The following TTC12 variants were observed in gnomAD, a reference collection of about 807,000 sequenced individuals.
TTC12 encodes tetratricopeptide repeat protein 12.
A neutral mutation model predicts 90.1 loss-of-function variants in TTC12; 70 were observed. The observed-to-expected ratio is 0.78, with a 90% CI of 0.64 to 0.95. The LOEUF (loss-of-function observed/expected upper bound fraction) is 0.95, where lower values mean the gene tolerates loss of function less well. Among genes scored for constraint, TTC12 ranks in the 40% least tolerant of loss-of-function variants. TTC12 has a pLI of 0.00. For synonymous variants in TTC12, 296 were observed against 311.5 expected (o/e 0.95, Z 0.53); for missense variants, 819 against 846.1 (o/e 0.97, Z 0.40).
chr11:113,364,169 G>C (rs574870862), intron 20 of TTC12, among the ~76,000 whole-genome samples: 4 of 152,358 alleles, frequency 2.6e-5, no homozygotes, highest in South Asian at 2.1e-4. Flanking sequence ...AAAGATAACA[G>C]GGTCAAAGCT....
chr11:113,337,918 G>A (rs1307506043), intron 8 of TTC12, among the ~76,000 whole-genome samples: 2 of 152,170 alleles, frequency 1.3e-5, no homozygotes, highest in Non-Finnish European at 2.9e-5. Context: ...TAGGGTTGAA[G>A]AGAAGTTGGA....
chr11:113,364,203 G>A (rs1950087209), intron 20 of TTC12, among the ~76,000 whole-genome samples: 1 of 152,236 alleles, frequency 6.6e-6, no homozygotes, highest in Non-Finnish European at 1.5e-5. Flanking sequence ...CTCTCACCAA[G>A]TTCAGTTCTC....
downstream of TTC12, chr11:113,368,291 C>T (rs1360068946): frequency 1.3e-6 from 2 of 1,537,798 alleles, no homozygotes; most frequent in South Asian, 1.2e-5. Flanking sequence ...CTAGTATTCT[C>T]CCTCTCCAGT....
At chr11:113,316,387 C>T in intron 2 of TTC12, 72 bp downstream of exon 2, 1 of 731,786 alleles carries the variant, frequency 1.4e-6, no homozygotes, top group South Asian at 4.3e-5. Flanking sequence ...GCTCTAAGTT[C>T]CTGGGTGGCT....
chr11:113,344,435 G>T lies in TTC12; in HGVS notation c.1149G>T (p.Leu383=). The T allele has an allele frequency of 1.2e-6, 2 of 1,612,466 alleles. No individual in the cohort carries two copies. The highest frequency in any genetic ancestry group is 2.2e-5 in the South Asian group (2 of 90,906). The part of the protein sequence containing the change: ...GRSLIINHLD[L]TRLLEALVSF... ...GCCTGATCATCAACCACCTTGACCT[G>T]ACCAGGTAAGCCTCTGCTGGCAGGA... Residue 383 remains leucine, a synonymous_variant, in exon 13 of 22, where the codon CTG becomes CTT. Transcript: ENST00000529221.
In TTC12 at chr11:113,364,865, C is replaced by T. The variant is rs746352893; in HGVS notation, c.1847C>T (p.Ser616Leu). The T allele has an allele frequency of 1.8e-5, 29 of 1,614,018 alleles. 1 individual carries two copies. In the Middle Eastern group the frequency reaches 6.6e-4, roughly 37 times the overall value. ...AGCGTTATGATGAAGCTGCTCAGCT[C>T]GGAGGATGAGGTTCTGGTGGGCAAC... Reference protein sequence around the residue: ...KLSVMMKLLSSEDEVLVGNAA... With the variant: ...KLSVMMKLLSLEDEVLVGNAA... Residue 616 changes from serine to leucine, a missense_variant, in exon 21 of 22, where the codon TCG (serine) becomes TTG (leucine). By Grantham distance (145) the Ser-to-Leu change is moderately radical. Coordinates refer to ENST00000529221, the MANE Select transcript of TTC12 (RefSeq NM_017868.4).
chr11:113,324,245 A>G (rs184408319), intron 4 of TTC12: 148 of 554,196 alleles, frequency 2.7e-4, no homozygotes, highest in Middle Eastern at 4.5e-4. Flanking sequence ...GTTATTCTGT[A>G]TCATCCAATT....
chr11:113,331,356 C>G (rs1391667433), intron 7 of TTC12, among the ~76,000 whole-genome samples: 1 of 152,126 alleles, frequency 6.6e-6, no homozygotes, highest in Non-Finnish European at 1.5e-5. Context: ...CTTGGTTTTT[C>G]CAGTAATAAC....
chr11:113,369,386 G>T (rs374201369), downstream of TTC12, among the ~76,000 whole-genome samples: 474 of 152,116 alleles, frequency 3.1e-3, 2 homozygotes, highest in African/African-American at 0.011. Context: ...CTCCCAAAGT[G>T]CTGGGATTAC....
At chr11:113,328,201 G>C (rs533451651) in intron 6 of TTC12, among the ~76,000 whole-genome samples, 1 of 152,194 alleles carries the variant, frequency 6.6e-6, no homozygotes. Context: ...TCGTACAAAT[G>C]GGATGATCGA....
At chr11:113,331,574 G>A (rs1214292610) in intron 7 of TTC12, among the ~76,000 whole-genome samples, 2 of 152,098 alleles carry the variant, frequency 1.3e-5, no homozygotes, top group East Asian at 1.9e-4. Flanking sequence ...TTTAAACCCC[G>A]TAATCCCTGG....
At chr11:113,362,270 G>A in intron 18 of TTC12, 131 bp from the exon 19 acceptor site, 2 of 640,354 alleles carry the variant, frequency 3.1e-6, no homozygotes, top group East Asian at 5.3e-5. Context: ...CTATTATTTG[G>A]CCATCATATT....
At chr11:113,336,401 T>G (rs1555144060) in intron 8 of TTC12, among the ~76,000 whole-genome samples, 1 of 152,210 alleles carries the variant, frequency 6.6e-6, no homozygotes. Flanking sequence ...CTCAATTACC[T>G]ATTTTTCTTT....
At chr11:113,341,668 G>T in intron 11 of TTC12, 169 bp from the exon 12 acceptor site, 1 of 620,354 alleles carries the variant, frequency 1.6e-6, no homozygotes, top group Non-Finnish European at 2.9e-6. Flanking sequence ...TCCGTGGCCT[G>T]GGACTCATGG....
rs1555139326 is a variant in TTC12 at position 113,323,291 on chromosome 11, A to G, written c.62A>G (p.Asn21Ser). Residue 21 changes from asparagine (N) to serine (S), a missense_variant, in exon 3 of 22, where the codon AAT becomes AGT. Asn to Ser is a conservative substitution (Grantham distance 46, BLOSUM62 1). Coordinates refer to ENST00000529221, the MANE Select transcript of TTC12 (RefSeq NM_017868.4). ...TCACACCTGATTTCTTCTCTAGCCAATTTAATTCAGGAGATGAATTCTGAT... is the reference window on the plus strand; with the variant it reads ...TCACACCTGATTTCTTCTCTAGCCAGTTTAATTCAGGAGATGAATTCTGAT... The part of the protein sequence containing the change: ...KFLKNVDEIS[N>S]LIQEMNSDDP... The G allele has an allele frequency of 3.8e-6, 6 of 1,599,388 alleles. No individual in the cohort carries two copies. In the African/African-American group the frequency reaches 4.0e-5, roughly 11 times the overall value.
rs1555145237 is a variant in TTC12 at position 113,339,364 on chromosome 11, A to G, written c.716A>G (p.Lys239Arg). 3 of 1,613,990 alleles carry G rather than the reference A, an allele frequency of 1.9e-6. No individual in the cohort carries two copies. Among genetic ancestry groups the G allele is most frequent in the Admixed American group, 1.7e-5 (1 of 60,008 alleles). Reference protein sequence around the residue: ...KEAHELLDSGKNTAVTTKNLL... With the variant: ...KEAHELLDSGRNTAVTTKNLL... ...GCCCACGAACTGCTGGATTCAGGAA[A>G]GAACACAGCCGTGACCACCAAGAAC... Residue 239 changes from lysine (K) to arginine (R), a missense_variant, in exon 10 of 22, where the codon AAG becomes AGG. Lys to Arg is a conservative substitution (Grantham distance 26). Transcript: ENST00000529221.
At chr11:113,357,524 G>A (rs1015551661) in intron 16 of TTC12, among the ~76,000 whole-genome samples, 38 of 152,104 alleles carry the variant, frequency 2.5e-4, no homozygotes, top group African/African-American at 9.2e-4. Flanking sequence ...GAATTATCAG[G>A]TTTATCATGT....
downstream of TTC12, chr11:113,368,143 A>G: frequency 7.5e-7 from 1 of 1,325,408 alleles, no homozygotes; most frequent in Non-Finnish European, 9.9e-7. Context: ...TCTTCCCCAA[A>G]GAGTGGGGAA....
At chr11:113,343,520 G>GGT (rs1565602293) in intron 12 of TTC12, among the ~76,000 whole-genome samples, 4 of 152,170 alleles carry the variant, frequency 2.6e-5, no homozygotes. Context: ...GAAGAGACCT[G>GGT]GTGTGTGTCT....
Sources: allele counts gnomAD v4.1 joint callset (sites outside exome capture counted in the v4.1 genomes callset), GRCh38; gene constraint gnomAD v4.1.1; transcripts MANE v1.5; gene names NCBI Gene and HGNC (gene_info 2026-07-23, HGNC 2026-07-21).